The following UNC13C variants were observed in gnomAD, a reference collection of about 807,000 sequenced individuals.
The protein encoded by UNC13C is unc-13 homolog C.
In UNC13C, 174 loss-of-function variants were observed where a neutral mutation model predicts 245.4. The ratio of observed to expected loss-of-function variants is 0.71; its 90% confidence interval spans 0.63 to 0.80. The LOEUF (loss-of-function observed/expected upper bound fraction) is 0.80, where lower values mean the gene tolerates loss of function less well. Among genes scored for constraint, UNC13C ranks in the 30% least tolerant of loss-of-function variants. The probability of loss-of-function intolerance (pLI) is 0.00; values close to 1 mark genes in which losing one functional copy is unlikely to be tolerated. For missense variants in UNC13C, 2,829 were observed against 2,602.9 expected (o/e 1.09, Z -1.89); for synonymous variants, 992 against 895.1 (o/e 1.11, Z -1.93).
intron 2 of UNC13C, among the ~76,000 whole-genome samples, chr15:54,056,139 G>C (rs968719375): frequency 1.3e-5 from 2 of 152,180 alleles, no homozygotes; most frequent in Non-Finnish European, 2.9e-5. Flanking sequence ...AGAGAGGAAG[G>C]CTTCAGAAGC....
At chr15:54,122,996 T>C (rs1255747894) in intron 2 of UNC13C, among the ~76,000 whole-genome samples, 1 of 152,106 alleles carries the variant, frequency 6.6e-6, no homozygotes, top group African/African-American at 2.4e-5. Flanking sequence ...ATGGCAAACG[T>C]ATGTTTAAAT....
intron 1 of UNC13C, among the ~76,000 whole-genome samples, chr15:54,005,545 G>T (rs1240875245): frequency 6.6e-6 from 1 of 152,134 alleles, no homozygotes; most frequent in Non-Finnish European, 1.5e-5. Flanking sequence ...ACAATGCCTG[G>T]CATATAATAG....
intron 2 of UNC13C, among the ~76,000 whole-genome samples, chr15:54,140,767 C>T (rs8032180): frequency 0.56 from 85,631 of 152,152 alleles, 24,256 homozygotes; most frequent in South Asian, 0.64. Flanking sequence ...GTGATGAGAT[C>T]GCATTTCACA....
At chr15:54,335,683 A>G (rs35641151) in intron 16 of UNC13C, among the ~76,000 whole-genome samples, 38,923 of 152,078 alleles carry the variant, frequency 0.26, 5,338 homozygotes, top group Admixed American at 0.34. Flanking sequence ...TTGGTGTTGA[A>G]TGTATCAACA....
intron 2 of UNC13C, among the ~76,000 whole-genome samples, chr15:54,125,185 C>A (rs555021961): frequency 1.2e-3 from 185 of 152,068 alleles, no homozygotes; most frequent in Middle Eastern, 3.2e-3. Context: ...ATTCTAGGGC[C>A]GGGCACAGTG....
rs931080059 is a variant in UNC13C at position 54,276,541 on chromosome 15, T to C, written c.3818+11045T>C. 8.5e-5 allele frequency among the ~76,000 whole-genome samples: 13 copies of C among 152,212 alleles called. No individual in the cohort carries two copies. The East Asian group carries it at 2.5e-3, about 29-fold the overall frequency. ...CACATCTAAAATCTAAAATACAGTATCATGTGCATTTACATCCTTACATTT... is the reference window on the plus strand; with the variant it reads ...CACATCTAAAATCTAAAATACAGTACCATGTGCATTTACATCCTTACATTT... On this transcript the variant is annotated intron_variant, in intron 10 of 32. Transcript: ENST00000260323.
the UNC13C span, among the ~76,000 whole-genome samples, chr15:53,874,771 T>C: frequency 6.6e-6 from 1 of 152,198 alleles, no homozygotes; most frequent in Non-Finnish European, 1.5e-5. Flanking sequence ...CCACATATAC[T>C]TGGCACTTCT....
intron 4 of UNC13C, among the ~76,000 whole-genome samples, chr15:54,147,237 T>C (rs1264536426): frequency 1.7e-5 from 2 of 117,986 alleles, no homozygotes; most frequent in African/African-American, 5.9e-5. Flanking sequence ...TTTTTTTTTT[T>C]GAGATGGAGT....
At chr15:54,588,232 C>T (rs1044199144) in intron 30 of UNC13C, among the ~76,000 whole-genome samples, 2 of 152,184 alleles carry the variant, frequency 1.3e-5, no homozygotes, top group South Asian at 2.1e-4. Context: ...TGAAATGCAA[C>T]AGAAATGCTG....
intron 16 of UNC13C, among the ~76,000 whole-genome samples, chr15:54,337,082 C>T (rs979130301): frequency 3.3e-5 from 5 of 152,154 alleles, no homozygotes; most frequent in African/African-American, 1.2e-4. Context: ...TTTACTCTCT[C>T]ACTTCACCAA....
At chr15:53,841,721 T>C in the UNC13C span, among the ~76,000 whole-genome samples, 1 of 152,152 alleles carries the variant, frequency 6.6e-6, no homozygotes, top group East Asian at 1.9e-4. Flanking sequence ...ATTTTTTAAC[T>C]GAAAATGAGG....
chr15:54,283,390 CATTAT>C (rs1411229440), intron 10 of UNC13C, among the ~76,000 whole-genome samples: 1 of 151,892 alleles, frequency 6.6e-6, no homozygotes, highest in Non-Finnish European at 1.5e-5. Flanking sequence ...ATAATCCCTA[CATTAT>C]AAGTTTTTTT....
intron 30 of UNC13C, among the ~76,000 whole-genome samples, chr15:54,580,136 C>G (rs1898137114): frequency 6.6e-6 from 1 of 152,154 alleles, no homozygotes; most frequent in Non-Finnish European, 1.5e-5. Context: ...AGCCACCACG[C>G]CTGTTTTTGT....
intron 2 of UNC13C, among the ~76,000 whole-genome samples, chr15:54,113,708 C>T (rs543605675): frequency 1.3e-5 from 2 of 152,186 alleles, no homozygotes; most frequent in East Asian, 3.9e-4. Context: ...AGCCTGTTGT[C>T]CCAGTTACTC....
intron 4 of UNC13C, among the ~76,000 whole-genome samples, chr15:54,218,906 T>A (rs547711169): frequency 7.2e-4 from 110 of 152,154 alleles, no homozygotes; most frequent in African/African-American, 2.4e-3. Flanking sequence ...GTAAAGGACC[T>A]CTTCAAGGAG....
intron 17 of UNC13C, among the ~76,000 whole-genome samples, chr15:54,352,744 C>A (rs1456425823): frequency 6.6e-6 from 1 of 152,060 alleles, no homozygotes; most frequent in Non-Finnish European, 1.5e-5. Context: ...CTCTCCAGAA[C>A]AAGTTAATGG....
intron 31 of UNC13C, among the ~76,000 whole-genome samples, chr15:54,623,468 A>G (rs369586459): frequency 1.3e-5 from 2 of 152,192 alleles, no homozygotes; most frequent in African/African-American, 2.4e-5. Flanking sequence ...GATTTTATCT[A>G]TTTCCTGATG....
chr15:54,416,674 C>T (rs2040528223), intron 19 of UNC13C, among the ~76,000 whole-genome samples: 1 of 152,108 alleles, frequency 6.6e-6, no homozygotes, highest in South Asian at 2.1e-4. Context: ...AGAGAGCGTT[C>T]ACTACCCTAG....
chr15:54,128,768 G>A (rs189371516), intron 2 of UNC13C, among the ~76,000 whole-genome samples: 1 of 152,132 alleles, frequency 6.6e-6, no homozygotes, highest in Non-Finnish European at 1.5e-5. Flanking sequence ...GAAATGGCTG[G>A]GAGTTGAGAC....
Sources: allele counts gnomAD v4.1 joint callset (sites outside exome capture counted in the v4.1 genomes callset), GRCh38; gene constraint gnomAD v4.1.1; transcripts MANE v1.5; gene names NCBI Gene and HGNC (gene_info 2026-07-23, HGNC 2026-07-21).